The following EXOC6B variants were observed in gnomAD, a reference collection of about 807,000 sequenced individuals.
EXOC6B encodes exocyst complex component 6B, also known as SEC15 homolog B.
A neutral mutation model predicts 113.5 loss-of-function variants in EXOC6B; 54 were observed. The observed-to-expected ratio is 0.48, with a 90% confidence interval of 0.38 to 0.60. The LOEUF is 0.60. Among genes scored for constraint, EXOC6B ranks in the 20% least tolerant of loss-of-function variants. EXOC6B has a pLI of 0.00. For synonymous variants in EXOC6B, 357 were observed against 339.0 expected, an observed-to-expected ratio of 1.05 and a Z score of -0.58; for missense variants, 797 against 977.5, an observed-to-expected ratio of 0.82 and a Z score of 2.46.
chr2:72,508,163 CAAA>C (rs67586747), intron 11 of EXOC6B, among the ~76,000 whole-genome samples: 22 of 57,520 alleles, frequency 3.8e-4, no homozygotes, highest in Admixed American at 9.3e-4. Flanking sequence ...ATATTACCCG[CAAA>C]AAAAAAAAAA....
chr2:72,580,331 C>G (rs1705145870), intron 6 of EXOC6B, among the ~76,000 whole-genome samples: 1 of 151,582 alleles, frequency 6.6e-6, no homozygotes. Flanking sequence ...TTAGTAGAGA[C>G]ATGGTTTCAC....
At chr2:72,641,475 G>C (rs1322273220) in intron 6 of EXOC6B, among the ~76,000 whole-genome samples, 1 of 152,258 alleles carries the variant, frequency 6.6e-6, no homozygotes. Flanking sequence ...GCAGCAGTCT[G>C]AGATCAACCT....
At chr2:72,704,555 G>C (rs1678699463) in intron 6 of EXOC6B, among the ~76,000 whole-genome samples, 1 of 151,656 alleles carries the variant, frequency 6.6e-6, no homozygotes, top group Non-Finnish European at 1.5e-5. Flanking sequence ...TTTTTGAAAG[G>C]ATCAACAACA....
chr2:72,601,112 ATGTGTGTGTGTATGTGTGTG>A (rs1408585844), intron 6 of EXOC6B, among the ~76,000 whole-genome samples: 6 of 141,696 alleles, frequency 4.2e-5, no homozygotes, highest in South Asian at 2.4e-4. Context: ...ATATATATAT[ATGTGTGTGTGTATGTGTGTG>A]TGTGTGTGTG....
intron 19 of EXOC6B, among the ~76,000 whole-genome samples, chr2:72,377,223 A>T (rs950487303): frequency 1.3e-5 from 2 of 152,300 alleles, no homozygotes; most frequent in African/African-American, 4.8e-5. Context: ...AGGATGTGAA[A>T]AAAAGGAAAT....
intron 20 of EXOC6B, among the ~76,000 whole-genome samples, chr2:72,334,474 A>C (rs1190916261): frequency 6.6e-6 from 1 of 152,124 alleles, no homozygotes; most frequent in African/African-American, 2.4e-5. Context: ...GGGAAGACTT[A>C]AGGCAGCAGG....
intron 18 of EXOC6B, among the ~76,000 whole-genome samples, chr2:72,449,671 A>G (rs1001249541): frequency 3.3e-5 from 5 of 152,186 alleles, no homozygotes; most frequent in Admixed American, 1.3e-4. Flanking sequence ...TGTCTTCACT[A>G]TAAGTTTAAT....
chr2:72,608,135 C>T (rs1670860651), intron 6 of EXOC6B, among the ~76,000 whole-genome samples: 1 of 152,048 alleles, frequency 6.6e-6, no homozygotes, highest in African/African-American at 2.4e-5. Flanking sequence ...TCTAACAATT[C>T]CTTCCCTGAA....
intron 6 of EXOC6B, among the ~76,000 whole-genome samples, chr2:72,631,426 G>GTGTGTGTGTGTATATATA (rs1290760055): frequency 7.1e-5 from 2 of 28,164 alleles, no homozygotes; most frequent in African/African-American, 2.3e-4. Flanking sequence ...GTGTGTGTGT[G>GTGTGTGTGTGTATATATA]TATATATATA....
intron 10 of EXOC6B, among the ~76,000 whole-genome samples, chr2:72,514,178 C>T (rs143856580): frequency 1.6e-4 from 25 of 152,156 alleles, no homozygotes; most frequent in Middle Eastern, 6.8e-3. Context: ...TCATCATTTA[C>T]GTATCATCTA....
intron 20 of EXOC6B, among the ~76,000 whole-genome samples, chr2:72,298,935 C>T (rs1686323584): frequency 6.6e-6 from 1 of 152,074 alleles, no homozygotes; most frequent in African/African-American, 2.4e-5. Context: ...TTCATTTCAA[C>T]CTTGGTGAAT....
At chr2:72,681,499 T>C (rs541793894) in intron 6 of EXOC6B, among the ~76,000 whole-genome samples, 1 of 152,316 alleles carries the variant, frequency 6.6e-6, no homozygotes, top group South Asian at 2.1e-4. Flanking sequence ...TTTCAATTAC[T>C]GTTAAGTGAA....
intron 11 of EXOC6B, among the ~76,000 whole-genome samples, chr2:72,500,197 T>C (rs2105590625): frequency 6.6e-6 from 1 of 152,264 alleles, no homozygotes; most frequent in East Asian, 1.9e-4. Context: ...TTTTTAACAC[T>C]TGGGAATTTA....
At chr2:72,367,009 G>A (rs1222399777) in intron 19 of EXOC6B, among the ~76,000 whole-genome samples, 1 of 151,898 alleles carries the variant, frequency 6.6e-6, no homozygotes, top group Non-Finnish European at 1.5e-5. Flanking sequence ...GTAAACACAT[G>A]GGTAATTATG....
At chr2:72,201,908 T>C (rs1559010595) in intron 20 of EXOC6B, among the ~76,000 whole-genome samples, 1 of 152,162 alleles carries the variant, frequency 6.6e-6, no homozygotes, top group Non-Finnish European at 1.5e-5. Context: ...AAGTGCCCAC[T>C]ACCAGTGTTT....
At chr2:72,482,061 A>T (rs1699130247) in intron 16 of EXOC6B, among the ~76,000 whole-genome samples, 1 of 152,208 alleles carries the variant, frequency 6.6e-6, no homozygotes, top group Non-Finnish European at 1.5e-5. Flanking sequence ...AACTAATACT[A>T]CGTCCTGTAC....
chr2:72,532,299 T>C (rs184556312), intron 8 of EXOC6B, among the ~76,000 whole-genome samples: 1 of 152,134 alleles, frequency 6.6e-6, no homozygotes, highest in Admixed American at 6.5e-5. Flanking sequence ...AAATTAACAA[T>C]GTACCATTTT....
At chr2:72,249,205 G>A (rs1039113998) in intron 20 of EXOC6B, among the ~76,000 whole-genome samples, 3 of 152,218 alleles carry the variant, frequency 2.0e-5, no homozygotes, top group East Asian at 1.9e-4. Flanking sequence ...GTTGGAGGCT[G>A]TAGTGAGCTA....
intron 6 of EXOC6B, among the ~76,000 whole-genome samples, chr2:72,704,558 C>T (rs1332338210): frequency 1.3e-5 from 2 of 151,552 alleles, no homozygotes; most frequent in Non-Finnish European, 2.9e-5. Context: ...TTGAAAGGAT[C>T]AACAACATTG....
Sources: gnomAD v4.1 joint callset for allele counts (sites outside exome capture counted in the v4.1 genomes callset) on GRCh38, gnomAD v4.1.1 for gene constraint, MANE v1.5 for transcripts, NCBI Gene and HGNC (gene_info 2026-07-23, HGNC 2026-07-21) for gene names.